The following EPB41L4A variants were observed in gnomAD, a reference collection of about 807,000 sequenced individuals.
EPB41L4A encodes the protein band 4.1-like protein 4A.
In EPB41L4A, 100 loss-of-function variants were observed where a neutral mutation model predicts 108.6. The observed-to-expected ratio is 0.92, with a 90% CI of 0.78 to 1.09. The LOEUF (loss-of-function observed/expected upper bound fraction) is 1.09. EPB41L4A is among the 50% of genes least tolerant of loss of function. The probability of loss-of-function intolerance (pLI) is 0.00; values close to 1 mark genes in which losing one functional copy is unlikely to be tolerated. For missense variants in EPB41L4A, 1,030 were observed against 842.7 expected (o/e 1.22, Z -2.75); for synonymous variants, 319 against 289.0 (o/e 1.10, Z -1.05).
At position 112,419,176 on chromosome 5, in the gene EPB41L4A, G is replaced by A; in HGVS notation, c.-137C>T. ...AGACGAGCAGCTCCCGGCGGGGTCCGGGGACCGGCCGCCGAACCGCCCGGC... is the reference window on the plus strand; with the variant it reads ...AGACGAGCAGCTCCCGGCGGGGTCCAGGGACCGGCCGCCGAACCGCCCGGC... On this transcript the variant is annotated 5_prime_UTR_variant, in exon 1 of 23. Transcript: ENST00000261486. The A allele has an allele frequency of 5.1e-6, 3 of 592,994 alleles. No homozygotes were observed. Among genetic ancestry groups the A allele is most frequent in the South Asian group, 4.7e-5 (2 of 42,278 alleles). The allele number at this position is 592,994 out of a possible 1,614,324, so 36.7% of individuals were successfully genotyped here. A position where few individuals can be genotyped will look rare whatever the true frequency, so the allele number is the denominator to read the frequency against.
At chr5:112,291,729 TC>T (rs1753655508) in intron 2 of EPB41L4A, among the ~76,000 whole-genome samples, 1 of 152,182 alleles carries the variant, frequency 6.6e-6, no homozygotes, top group Non-Finnish European at 1.5e-5. Context: ...GAGGACTTGG[TC>T]CAGGGAGCTT....
intron 1 of EPB41L4A, among the ~76,000 whole-genome samples, chr5:112,417,982 G>A (rs985568224): frequency 6.6e-6 from 1 of 152,154 alleles, no homozygotes. Context: ...GAGATGAAGC[G>A]ACTAAGAGAG....
chr5:112,357,125 T>C (rs1468280832), intron 1 of EPB41L4A, among the ~76,000 whole-genome samples: 2 of 152,186 alleles, frequency 1.3e-5, no homozygotes, highest in Non-Finnish European at 2.9e-5. Context: ...ATCCAATCAG[T>C]TGAATCCAAC....
intron 12 of EPB41L4A, among the ~76,000 whole-genome samples, chr5:112,225,868 C>CTTTGTG (rs1748413151): frequency 6.6e-6 from 1 of 152,234 alleles, no homozygotes; most frequent in African/African-American, 2.4e-5. Flanking sequence ...GTTCATATCT[C>CTTTGTG]AGCTTTGTGA....
At chr5:112,268,842 CAA>C (rs34983995) in intron 4 of EPB41L4A, among the ~76,000 whole-genome samples, 156 of 55,902 alleles carry the variant, frequency 2.8e-3, no homozygotes, top group East Asian at 8.6e-3. Context: ...GACCTTCTCT[CAA>C]AAAAAAAAAA....
intron 1 of EPB41L4A, among the ~76,000 whole-genome samples, chr5:112,335,961 G>A (rs1054982915): frequency 4.6e-5 from 7 of 151,994 alleles, no homozygotes; most frequent in Middle Eastern, 3.4e-3. Context: ...AAACAGTACC[G>A]TCCCCCAGTC....
Position 112,262,511 on chromosome 5 carries a change from CA to C in EPB41L4A, c.624del (p.Asp209ThrfsTer15). ...TTACTCACATAGACGGGATGGAGGT[CA>C]ACGCCATACATCTCCAGGGATTTGG... ...RTAKSLEMYG[V>X]DLHPVYGENK... On this transcript the variant is annotated frameshift_variant, in exon 7 of 23. Coordinates refer to ENST00000261486, the MANE Select transcript of EPB41L4A (RefSeq NM_022140.5). LOFTEE classifies it high-confidence loss of function. The C allele has an allele frequency of 6.2e-7, 1 of 1,613,848 alleles. No homozygotes were observed. Among genetic ancestry groups the C allele is most frequent in the Non-Finnish European group, 8.5e-7 (1 of 1,179,852 alleles).
At chr5:112,381,167 G>GTAGTT (rs1258840351) in intron 1 of EPB41L4A, among the ~76,000 whole-genome samples, 1 of 152,150 alleles carries the variant, frequency 6.6e-6, no homozygotes, top group Non-Finnish European at 1.5e-5. Context: ...ACAGAGCCAG[G>GTAGTT]TAGTTTCCTC....
chr5:112,375,949 T>G (rs910936189), intron 1 of EPB41L4A, among the ~76,000 whole-genome samples: 2 of 152,236 alleles, frequency 1.3e-5, no homozygotes, highest in East Asian at 1.9e-4. Flanking sequence ...GGTTAGGGTA[T>G]GAAAAAGAGG....
intron 17 of EPB41L4A, among the ~76,000 whole-genome samples, chr5:112,191,569 A>G (rs1761699583): frequency 6.6e-6 from 1 of 152,200 alleles, no homozygotes; most frequent in Non-Finnish European, 1.5e-5. Context: ...TTATCCATGG[A>G]AACAGTAAAG....
intron 1 of EPB41L4A, among the ~76,000 whole-genome samples, chr5:112,308,884 G>A (rs1754859832): frequency 6.6e-6 from 1 of 151,926 alleles, no homozygotes; most frequent in Admixed American, 6.6e-5. Flanking sequence ...TTTCCAATCT[G>A]ATTGAGCAAA....
At chr5:112,389,114 C>A (rs1252329011) in intron 1 of EPB41L4A, among the ~76,000 whole-genome samples, 2 of 151,994 alleles carry the variant, frequency 1.3e-5, no homozygotes, top group African/African-American at 4.8e-5. Flanking sequence ...AGAACAACAA[C>A]AGGAGAAAAA....
At chr5:112,390,534 A>G (rs984602125) in intron 1 of EPB41L4A, among the ~76,000 whole-genome samples, 64 of 152,298 alleles carry the variant, frequency 4.2e-4, no homozygotes, top group African/African-American at 1.4e-3. Context: ...AGGTAAATAA[A>G]GCGGCCCAGA....
intron 9 of EPB41L4A, among the ~76,000 whole-genome samples, chr5:112,245,266 C>G (rs1229486230): frequency 6.6e-6 from 1 of 152,144 alleles, no homozygotes; most frequent in Non-Finnish European, 1.5e-5. Flanking sequence ...AATTTCAAAG[C>G]TACAAACCAA....
chr5:112,381,664 C>T (rs1244067633), intron 1 of EPB41L4A, among the ~76,000 whole-genome samples: 4 of 152,378 alleles, frequency 2.6e-5, no homozygotes, highest in African/African-American at 7.2e-5. Flanking sequence ...GCAGAAGCAA[C>T]GACAAAGGTC....
chr5:112,173,194 T>A (rs1353496303), intron 18 of EPB41L4A, among the ~76,000 whole-genome samples: 1 of 152,108 alleles, frequency 6.6e-6, no homozygotes, highest in East Asian at 1.9e-4. Context: ...AGAACCTAAA[T>A]CTTAAAAGAA....
At chr5:112,369,008 T>G (rs963765156) in intron 1 of EPB41L4A, among the ~76,000 whole-genome samples, 4 of 152,218 alleles carry the variant, frequency 2.6e-5, no homozygotes, top group Non-Finnish European at 4.4e-5. Context: ...GTTCTAACTC[T>G]TACCTTTCAC....
intron 3 of EPB41L4A, among the ~76,000 whole-genome samples, chr5:112,276,264 T>C (rs1752626015): frequency 6.6e-6 from 1 of 152,202 alleles, no homozygotes; most frequent in Admixed American, 6.5e-5. Flanking sequence ...AGAAGAACTA[T>C]GCCTACAAAC....
At chr5:112,168,596 C>T (rs966328572) in intron 22 of EPB41L4A, 143 bp downstream of exon 22, 33 of 649,900 alleles carry the variant, frequency 5.1e-5, no homozygotes, top group Non-Finnish European at 8.4e-5. Flanking sequence ...GATTTCTCCA[C>T]GTTCTTTTAA....
Sources: allele counts gnomAD v4.1 joint callset (sites outside exome capture counted in the v4.1 genomes callset), GRCh38; gene constraint gnomAD v4.1.1; transcripts MANE v1.5; gene names NCBI Gene and HGNC (gene_info 2026-07-23, HGNC 2026-07-21).